ATG2A: variants seen among roughly 807,000 people sequenced by gnomAD.
ATG2A encodes the protein autophagy related 2A.
ATG2A carries 103 observed loss-of-function variants against 214.2 expected under a neutral mutation model. The ratio of observed to expected loss-of-function variants is 0.48; its 90% CI spans 0.41 to 0.57. The LOEUF is 0.57. ATG2A is among the 20% of genes least tolerant of loss of function. The probability of loss-of-function intolerance (pLI) is 0.00; values close to 1 mark genes in which losing one functional copy is unlikely to be tolerated. For missense variants in ATG2A, 2,312 were observed against 2,613.2 expected (o/e 0.88, Z 2.51); for synonymous variants, 1,160 against 1,142.1 (o/e 1.02, Z -0.32).
At position 64,903,385 on chromosome 11, in the gene ATG2A, A is replaced by G. The variant is rs746762378; in HGVS notation, c.3536-21T>C. 1 of 1,613,500 alleles carries G rather than the reference A, an allele frequency of 6.2e-7. No homozygotes were observed. Among genetic ancestry groups the G allele is most frequent in the East Asian group, 2.2e-5 (1 of 44,890 alleles). ...ATAATCTGCAGCAGAGGCGAGAGAA[A>G]GGTCCTGTGGCCCCCTTCCACCCGG... On this transcript the variant is annotated intron_variant, in intron 25 of 40. Coordinates refer to ENST00000377264, the MANE Select transcript of ATG2A (RefSeq NM_015104.3). This position sits in a 1 kb window ranked among gnomAD's most constrained non-coding sequence, Gnocchi z 4.2.
Position 64,896,812 on chromosome 11 carries a change from G to T in ATG2A, c.5208C>A (p.Ile1736=). ...GCAGGCCGGGCAGCTGGTTCTTGCG[G>T]ATGTCCTGCAGCCACTCGTTGAGGG... The part of the protein sequence containing the change: ...GYALNEWLQD[I]RKNQLPGLLG... Residue 1736 remains isoleucine, a synonymous_variant, in exon 38 of 41, where the codon ATC becomes ATA. Transcript: ENST00000377264. 1 of 1,614,156 alleles carries T rather than the reference G, an allele frequency of 6.2e-7. No homozygotes were observed. Among genetic ancestry groups the T allele is most frequent in the Non-Finnish European group, 8.5e-7 (1 of 1,180,036 alleles).
Position 64,901,875 on chromosome 11 carries a change from G to A in ATG2A, c.4119+87C>T, listed in dbSNP as rs930397943. The A allele has an allele frequency of 1.0e-5, 15 of 1,471,834 alleles. No individual in the cohort carries two copies. In the Middle Eastern group the frequency reaches 6.3e-4, roughly 62 times the overall value. 91.2% of individuals were successfully genotyped at this position (1,471,834 alleles called of 1,614,324 possible). A position where few individuals can be genotyped will look rare whatever the true frequency, so the allele number is the denominator to read the frequency against. On this transcript the variant is annotated intron_variant, in intron 29 of 40. Transcript: ENST00000377264. ...TTCTCTCACCACGGGAGCTCCAGAT[G>A]GCCAGGCAACCACCCCTGAGTGTTC...
rs1323258037 is a variant in ATG2A at position 64,914,062 on chromosome 11, C to A, written c.487+19G>T. ...CACTGAAGGGCAGGAGACAGGGCGG[C>A]CAGGAGGGGCCTGCTCACCAGTCTC... On this transcript the variant is annotated intron_variant, in intron 3 of 40. Coordinates refer to ENST00000377264, the MANE Select transcript of ATG2A (RefSeq NM_015104.3). The A allele has an allele frequency of 1.3e-6, 2 of 1,534,560 alleles. No individual in the cohort carries two copies. Among genetic ancestry groups the A allele is most frequent in the African/African-American group, 2.7e-5 (2 of 72,854 alleles).
chr11:64,914,758 G>T lies in ATG2A; in HGVS notation c.172-258C>A, dbSNP rs189559286. Among the ~76,000 whole-genome samples, 276 of 152,082 alleles carry T rather than the reference G, an allele frequency of 1.8e-3. 3 individuals are homozygous for T. Among genetic ancestry groups the T allele is most frequent in the African/African-American group, 6.0e-3 (250 of 41,464 alleles). On this transcript the variant is annotated intron_variant, in intron 1 of 40. Coordinates refer to ENST00000377264, the MANE Select transcript of ATG2A (RefSeq NM_015104.3). ...CACTTAATTCAAGATAATATTTACCGAGCACTTTCTACATGCTGACACTGA... is the reference window on the plus strand; with the variant it reads ...CACTTAATTCAAGATAATATTTACCTAGCACTTTCTACATGCTGACACTGA...
rs375306816 is a variant in ATG2A at position 64,900,934 on chromosome 11, G to A, written c.4278C>T (p.Leu1426=). The stretch of plus-strand genomic sequence containing the variant: ...CTCGGCCCCCATAGAGGTGCCAGAC[G>A]AGGGAGACCTCACGTAGCACCACCC... The part of the protein sequence containing the change: ...STRVVLREVS[L]VWHLYGGRDF... The change falls in exon 30 of 41, where the codon CTC becomes CTT. Residue 1426 remains leucine, a synonymous_variant. Transcript: ENST00000377264. 1.7e-5 allele frequency: 27 copies of A among 1,577,574 alleles called. No homozygotes were observed. The highest frequency in any genetic ancestry group is 2.2e-5 in the Non-Finnish European group (26 of 1,162,262).
chr11:64,900,345 C>T, intron 31 of ATG2A, 149 bp downstream of exon 31: 2 of 1,225,082 alleles, frequency 1.6e-6, no homozygotes, highest in East Asian at 2.4e-5. Context: ...CCATCGGACA[C>T]ACTCGATACA....
intron 29 of ATG2A, 46 bp from the exon 30 acceptor site, chr11:64,901,138 C>T: frequency 6.6e-7 from 1 of 1,518,804 alleles, no homozygotes; most frequent in African/African-American, 1.4e-5. Flanking sequence ...TTCGATCCAG[C>T]CCAGCTGCCC....
At position 64,895,330 on chromosome 11, in the gene ATG2A, A is replaced by G. The variant is rs1944111840; in HGVS notation, c.5540T>C (p.Leu1847Pro). 1 of 1,613,270 alleles carries G rather than the reference A, an allele frequency of 6.2e-7. No individual in the cohort carries two copies. Among genetic ancestry groups the G allele is most frequent in the Non-Finnish European group, 8.5e-7 (1 of 1,179,888 alleles). ...GTAGGCCTTGGCCACACCCTCCCGCAGGTCGGCAGGCTGCTGGCCCCTGCG... is the reference window on the plus strand; with the variant it reads ...GTAGGCCTTGGCCACACCCTCCCGCGGGTCGGCAGGCTGCTGGCCCCTGCG... ...RLRRGQQPADLREGVAKAYDT... is the reference protein window; with the variant it reads ...RLRRGQQPADPREGVAKAYDT... The change falls in exon 40 of 41, where the codon CTG (leucine) becomes CCG (proline). Residue 1847 changes from leucine (L) to proline (P), a missense_variant. Physicochemically the swap from Leu to Pro is moderately conservative, Grantham distance 98 (BLOSUM62 -3). Coordinates refer to ENST00000377264, the MANE Select transcript of ATG2A (RefSeq NM_015104.3). The surrounding 1 kb of genome is among the most constrained non-coding windows in gnomAD (Gnocchi z 5.0).
Position 64,903,972 on chromosome 11 carries a change from G to A in ATG2A, c.3465-312C>T, listed in dbSNP as rs573564017. Among the ~76,000 whole-genome samples, 2 of 152,312 alleles carry A rather than the reference G, an allele frequency of 1.3e-5. No individual in the cohort carries two copies. Among genetic ancestry groups the A allele is most frequent in the South Asian group, 2.1e-4 (1 of 4,828 alleles). On this transcript the variant is annotated intron_variant, in intron 24 of 40. Transcript: ENST00000377264. The surrounding 1 kb of genome is among the most constrained non-coding windows in gnomAD (Gnocchi z 4.2). ...AAATAAGTCCTTATTTTTGGCTGGC[G>A]CGGTGGCTCACGCCTGTAATCCCAG... is the stretch of plus-strand genomic sequence containing the variant.
intron 37 of ATG2A, chr11:64,897,190 G>C: frequency 1.6e-6 from 1 of 628,150 alleles, no homozygotes; most frequent in Non-Finnish European, 2.7e-6. Context: ...GCTAATTTTT[G>C]TATTTTTAGT....
chr11:64,916,716 G>A (rs1945000024), intron 1 of ATG2A, among the ~76,000 whole-genome samples: 1 of 152,134 alleles, frequency 6.6e-6, no homozygotes, highest in Non-Finnish European at 1.5e-5. Flanking sequence ...TCTCCAGACA[G>A]GTGATCTTGC....
Position 64,903,843 on chromosome 11 carries a change from T to G in ATG2A, c.3465-183A>C, listed in dbSNP as rs191128072. 1.2e-4 allele frequency among the ~76,000 whole-genome samples: 19 copies of G among 152,340 alleles called. No individual in the cohort carries two copies. Among genetic ancestry groups the G allele is most frequent in the Non-Finnish European group, 2.4e-4 (16 of 68,030 alleles). The stretch of plus-strand genomic sequence containing the variant: ...CAGGCAGTGGGAAGCGGGCAGCACT[T>G]GCAGCTCTCAAAGTGCCTGCAGTTC... On this transcript the variant is annotated intron_variant, in intron 24 of 40. Transcript: ENST00000377264. This position sits in a 1 kb window ranked among gnomAD's most constrained non-coding sequence, Gnocchi z 4.2.
At position 64,911,104 on chromosome 11, in the gene ATG2A, A is replaced by G; in HGVS notation, c.1400T>C (p.Phe467Ser). The G allele has an allele frequency of 6.2e-7, 1 of 1,614,046 alleles. No individual in the cohort carries two copies. Among genetic ancestry groups the G allele is most frequent in the Non-Finnish European group, 8.5e-7 (1 of 1,180,014 alleles). ...AAGGTGATGGAAGTCTCGGGAACCGAAGGGCCCATCCTTGGTGGCATCAAA... is the reference window on the plus strand; with the variant it reads ...AAGGTGATGGAAGTCTCGGGAACCGGAGGGCCCATCCTTGGTGGCATCAAA... ...TEFDATKDGP[F>S]GSRDFHHLRP... The change falls in exon 10 of 41, where the codon TTC (phenylalanine) becomes TCC (serine). Residue 467 changes from phenylalanine (F) to serine (S), a missense_variant. By Grantham distance (155) the Phe-to-Ser change is radical. Transcript: ENST00000377264.
chr11:64,917,103 A>G lies in ATG2A; in HGVS notation c.33T>C (p.Cys11=). 1 of 1,612,778 alleles carries G rather than the reference A, an allele frequency of 6.2e-7. No homozygotes were observed. The change falls in exon 1 of 41, where the codon TGT becomes TGC. Residue 11 remains cysteine (C), a synonymous_variant. Coordinates refer to ENST00000377264, the MANE Select transcript of ATG2A (RefSeq NM_015104.3). ...AGTAGCGGCAGACCCGCTCTTTCAC[A>G]CAGTTTGACCATGGCCACAGCCATC... MSRWLWPWSN[C]VKERVCRYLL... is the part of the protein sequence containing the mutation.
At chr11:64,900,433 G>T (rs1180919184) in intron 31 of ATG2A, 61 bp downstream of exon 31, 2 of 1,607,928 alleles carry the variant, frequency 1.2e-6, no homozygotes, top group Middle Eastern at 1.6e-4. Flanking sequence ...ACGTGACATC[G>T]AGAACAAGGC....
chr11:64,911,007 C>T (rs565875994), intron 10 of ATG2A, 31 bp downstream of exon 10: 1 of 1,613,692 alleles, frequency 6.2e-7, no homozygotes, highest in Non-Finnish European at 8.5e-7. Flanking sequence ...CTCTGATGGT[C>T]TCTCCTCAGG....
rs1409671860 is a variant in ATG2A at position 64,897,749 on chromosome 11, T to A, written c.4995-6A>T. On this transcript the variant is annotated splice_polypyrimidine_tract_variant and splice_region_variant and intron_variant, in intron 35 of 40. Coordinates refer to ENST00000377264, the MANE Select transcript of ATG2A (RefSeq NM_015104.3). ...CAGACGTGAAGCGGAACTCTCTGGG[T>A]AGGGGAGCAGGAAGAGGGGGTTCTT... is the stretch of plus-strand genomic sequence containing the variant. 6.2e-7 allele frequency: 1 copy of A among 1,614,050 alleles called. No individual in the cohort carries two copies. The highest frequency in any genetic ancestry group is 2.2e-5 in the East Asian group (1 of 44,884).
Position 64,906,806 on chromosome 11 carries a change from C to T in ATG2A, c.2842G>A (p.Gly948Arg). ...TALCETKDEG[G>R]KRLEAVHGEL... is the part of the protein sequence containing the mutation. ...CCGTGCACAGCCTCCAGCCGCTTCC[C>T]ACCCTCATCCTGCAGAAGGAGCACA... is the stretch of plus-strand genomic sequence containing the variant. Residue 948 changes from glycine to arginine, a missense_variant, in exon 20 of 41, where the codon GGG becomes AGG. By Grantham distance (125) the Gly-to-Arg change is moderately radical. Coordinates refer to ENST00000377264, the MANE Select transcript of ATG2A (RefSeq NM_015104.3). 6.2e-7 allele frequency: 1 copy of T among 1,612,946 alleles called. No individual in the cohort carries two copies.
At chr11:64,905,697 A>C in intron 23 of ATG2A, 42 bp from the exon 24 acceptor site, 1 of 1,613,414 alleles carries the variant, frequency 6.2e-7, no homozygotes, top group East Asian at 2.2e-5. Flanking sequence ...CTTACACCTG[A>C]GAGCCCATCC....
Sources: allele counts gnomAD v4.1 joint callset (sites outside exome capture counted in the v4.1 genomes callset), GRCh38; gene constraint gnomAD v4.1.1; non-coding constraint Gnocchi (gnomAD v3.1); transcripts MANE v1.5; gene names NCBI Gene and HGNC (gene_info 2026-07-23, HGNC 2026-07-21).